Variants in HTR2C observed in about 807,000 individuals in gnomAD.
HTR2C encodes 5-hydroxytryptamine receptor 2C, also known as 5-hydroxytryptamine (serotonin) receptor 2C, G protein-coupled.
Under a neutral mutation model 21.0 loss-of-function variants are expected in HTR2C, and 5 were observed. The observed-to-expected ratio is 0.24, with a 90% CI of 0.12 to 0.50. HTR2C has a LOEUF of 0.50. Ranked by LOEUF, HTR2C falls within the 20% of genes least tolerant of loss-of-function variation. The pLI is 0.98. For missense variants in HTR2C, 271 were observed against 371.2 expected (o/e 0.73, Z 2.22); for synonymous variants, 150 against 145.3 (o/e 1.03, Z -0.23).
intron 2 of HTR2C, among the ~76,000 whole-genome samples, chrX:114,682,826 G>A (rs1317213657): frequency 9.0e-6 from 1 of 111,023 alleles, no homozygotes; most frequent in Non-Finnish European, 1.9e-5. Context: ...TTCTCTTTAG[G>A]CTTTTCTTTT....
At chrX:114,652,306 A>C (rs1250549985) in intron 2 of HTR2C, among the ~76,000 whole-genome samples, 3 of 111,218 alleles carry the variant, frequency 2.7e-5, no homozygotes, top group Non-Finnish European at 3.8e-5. Flanking sequence ...ATAATTAGAA[A>C]ATTTATTTTT....
At chrX:114,765,923 A>T (rs1334294726) in intron 4 of HTR2C, among the ~76,000 whole-genome samples, 1 of 111,650 alleles carries the variant, frequency 9.0e-6, no homozygotes, top group Non-Finnish European at 1.9e-5. Flanking sequence ...TTAGAAATGG[A>T]ATTAAGGAGA....
chrX:114,757,156 A>G (rs1006585337), intron 4 of HTR2C, among the ~76,000 whole-genome samples: 29 of 111,666 alleles, frequency 2.6e-4, no homozygotes, highest in African/African-American at 8.4e-4. Context: ...ACATCCTTCA[A>G]TGAGGACAAT....
At chrX:114,650,483 G>A (rs1411866234) in intron 2 of HTR2C, among the ~76,000 whole-genome samples, 1 of 111,364 alleles carries the variant, frequency 9.0e-6, no homozygotes, top group Non-Finnish European at 1.9e-5. Context: ...TGTACTTGGT[G>A]TTCTCTCTGG....
intron 2 of HTR2C, among the ~76,000 whole-genome samples, chrX:114,666,216 G>A (rs782302161): frequency 1.8e-5 from 2 of 111,695 alleles, no homozygotes; most frequent in Non-Finnish European, 3.8e-5. Context: ...AACTACAATT[G>A]TAAATTTTGA....
chrX:114,736,486 A>G (rs1556424480), intron 4 of HTR2C, among the ~76,000 whole-genome samples: 1 of 112,108 alleles, frequency 8.9e-6, no homozygotes, highest in African/African-American at 3.2e-5. Flanking sequence ...GAAAGCCACA[A>G]TTAAAGACAA....
Position 114,628,528 on chromosome X carries a change from G to T in HTR2C, c.-80+14647G>T, listed in dbSNP as rs782637936. On this transcript the variant is annotated intron_variant, in intron 2 of 5. Transcript: ENST00000276198. ...CCCACCTCAGCCTCCCAAAGTGCTG[G>T]GATTACAGGCGTGAGCCACCGCGCC... is the stretch of plus-strand genomic sequence containing the variant. Among the ~76,000 whole-genome samples, 24 of 105,748 alleles carry T rather than the reference G, an allele frequency of 2.3e-4. No individual in the cohort carries two copies. The East Asian group carries it at 6.2e-3, about 28-fold the overall frequency. The allele number at this position is 105,748 out of a possible 115,157, so 91.8% of individuals were successfully genotyped here.
intron 2 of HTR2C, among the ~76,000 whole-genome samples, chrX:114,721,886 T>C (rs1278774254): frequency 1.9e-5 from 2 of 106,654 alleles, no homozygotes; most frequent in African/African-American, 3.4e-5. Context: ...TATCTCTGTT[T>C]TGGTACCAGT....
At chrX:114,804,125 A>G (rs925768909) in intron 4 of HTR2C, among the ~76,000 whole-genome samples, 3 of 111,705 alleles carry the variant, frequency 2.7e-5, no homozygotes, top group Non-Finnish European at 3.8e-5. Flanking sequence ...TCTTGTGAAT[A>G]TAAAAGGAAA....
rs782330417 is a variant in HTR2C at position 114,619,175 on chromosome X, T to C, written c.-80+5294T>C. Among the ~76,000 whole-genome samples the C allele has an allele frequency of 3.6e-5, 4 of 111,309 alleles. No homozygotes were observed. The East Asian group carries it at 8.5e-4, about 24-fold the overall frequency. The stretch of plus-strand genomic sequence containing the variant: ...GATTAACAAGAAACTGCGTCATCCT[T>C]GAATGGCTTACTCTCCCTTATCCCC... On this transcript the variant is annotated intron_variant, in intron 2 of 5. Transcript: ENST00000276198.
chrX:114,585,784 A>G (rs1256499276), intron 1 of HTR2C, among the ~76,000 whole-genome samples: 1 of 111,055 alleles, frequency 9.0e-6, no homozygotes, highest in Non-Finnish European at 1.9e-5. Flanking sequence ...TTCTTCATTA[A>G]TATTACCAGT....
intron 5 of HTR2C, among the ~76,000 whole-genome samples, chrX:114,866,006 G>A (rs1338018713): frequency 5.4e-5 from 6 of 110,265 alleles, no homozygotes; most frequent in African/African-American, 9.9e-5. Context: ...TAGTAGAGAC[G>A]GGATTTCACC....
intron 2 of HTR2C, among the ~76,000 whole-genome samples, chrX:114,700,817 G>T (rs1932447495): frequency 8.9e-6 from 1 of 112,550 alleles, no homozygotes; most frequent in African/African-American, 3.2e-5. Context: ...AAAGAAAGGG[G>T]TGACAGACGG....
At chrX:114,590,381 G>A (rs781807245) in intron 1 of HTR2C, among the ~76,000 whole-genome samples, 1 of 112,067 alleles carries the variant, frequency 8.9e-6, no homozygotes, top group Non-Finnish European at 1.9e-5. Context: ...GAGAAGTCCA[G>A]TACTGTGGTA....
intron 1 of HTR2C, among the ~76,000 whole-genome samples, chrX:114,586,397 T>G (rs1927396445): frequency 8.9e-6 from 1 of 111,979 alleles, no homozygotes; most frequent in African/African-American, 3.2e-5. Context: ...CTTAAATAAA[T>G]TCTCCTGATC....
Position 114,837,727 on chromosome X carries a change from G to A in HTR2C, c.350-10276G>A, listed in dbSNP as rs180697495. Among the ~76,000 whole-genome samples the A allele has an allele frequency of 1.2e-4, 13 of 110,036 alleles. No homozygotes were observed. The South Asian group carries it at 1.9e-3, about 16-fold the overall frequency. ...AAAAAAAAATCACCGATAAACAAGAGATCATTTTATACCTTGTTTTCCAAA... is the reference window on the plus strand; with the variant it reads ...AAAAAAAAATCACCGATAAACAAGAAATCATTTTATACCTTGTTTTCCAAA... On this transcript the variant is annotated intron_variant, in intron 4 of 5. Transcript: ENST00000276198.
At chrX:114,721,759 G>A (rs1407569955) in intron 2 of HTR2C, among the ~76,000 whole-genome samples, 27 of 111,044 alleles carry the variant, frequency 2.4e-4, no homozygotes, top group East Asian at 5.7e-4. Context: ...TCCCAGCACC[G>A]TTTATTAAAT....
At chrX:114,760,166 T>G (rs2069851642) in intron 4 of HTR2C, among the ~76,000 whole-genome samples, 2 of 111,547 alleles carry the variant, frequency 1.8e-5, no homozygotes. Flanking sequence ...ACTATTTAAG[T>G]CACATACTTG....
At chrX:114,808,275 C>A (rs138177473) in intron 4 of HTR2C, among the ~76,000 whole-genome samples, 2,017 of 111,525 alleles carry the variant, frequency 0.018, 49 homozygotes, top group African/African-American at 0.063. Context: ...CCCCCAGTTC[C>A]ATCCATGTTG....
Sources: allele counts gnomAD v4.1 joint callset (sites outside exome capture counted in the v4.1 genomes callset), GRCh38; gene constraint gnomAD v4.1.1; transcripts MANE v1.5; gene names NCBI Gene and HGNC (gene_info 2026-07-23, HGNC 2026-07-21).